The following MAP3K19 variants were observed in gnomAD, a reference collection of about 807,000 sequenced individuals.
The protein encoded by MAP3K19 is mitogen-activated protein kinase kinase kinase 19.
MAP3K19 carries 91 observed loss-of-function variants against 114.4 expected under a neutral mutation model. That is an observed-to-expected ratio of 0.80 (90% CI 0.67 to 0.95). The LOEUF (loss-of-function observed/expected upper bound fraction) is 0.95, where lower values mean the gene tolerates loss of function less well. Among genes scored for constraint, MAP3K19 ranks in the 40% least tolerant of loss-of-function variants. MAP3K19 has a pLI of 0.00. For missense variants in MAP3K19, 1,471 were observed against 1,573.2 expected (o/e 0.94, Z 1.10); for synonymous variants, 518 against 530.5 (o/e 0.98, Z 0.32).
chr2:134,964,873 A>T lies in MAP3K19; in HGVS notation c.3964T>A (p.Ser1322Thr). 1.2e-6 allele frequency: 2 copies of T among 1,613,278 alleles called. No homozygotes were observed. The highest frequency in any genetic ancestry group is 1.7e-6 in the Non-Finnish European group (2 of 1,179,454). Residue 1322 changes from serine (S) to threonine (T), a missense_variant, in exon 13 of 13, where the codon TCC becomes ACC. Physicochemically the swap from Ser to Thr is moderately conservative, Grantham distance 58. Coordinates refer to ENST00000392915, the MANE Select transcript of MAP3K19 (RefSeq NM_025052.5). ...RPSALQLLKH[S>T]FLERSH is the part of the protein sequence containing the mutation. ...ATTCAGTGACTTCTCTCCAAGAAGGAGTGCTTCAGGAGCTGGAGAGCAGAA... is the reference window on the plus strand; with the variant it reads ...ATTCAGTGACTTCTCTCCAAGAAGGTGTGCTTCAGGAGCTGGAGAGCAGAA...
At chr2:134,995,542 A>G (rs145342444) in intron 8 of MAP3K19, among the ~76,000 whole-genome samples, 243 of 152,322 alleles carry the variant, frequency 1.6e-3, no homozygotes, top group African/African-American at 5.3e-3. Flanking sequence ...AGATTGCCTG[A>G]TATCTAATCA....
chr2:135,019,475 A>AGGCT (rs1012273145), intron 5 of MAP3K19, among the ~76,000 whole-genome samples: 1 of 152,130 alleles, frequency 6.6e-6, no homozygotes, highest in African/African-American at 2.4e-5. Context: ...GGATTGCTTG[A>AGGCT]GGCTAGGAGT....
intron 12 of MAP3K19, among the ~76,000 whole-genome samples, chr2:134,978,264 G>A (rs1684387209): frequency 6.6e-6 from 1 of 151,030 alleles, no homozygotes; most frequent in Non-Finnish European, 1.5e-5. Context: ...TCAGCCCACT[G>A]CAGCATCAAC....
chr2:134,980,893 C>G lies in MAP3K19; in HGVS notation c.3848G>C (p.Arg1283Pro), dbSNP rs373039984. The G allele has an allele frequency of 3.0e-5, 49 of 1,614,220 alleles. No individual in the cohort carries two copies. In the South Asian group the frequency reaches 4.9e-4, roughly 16 times the overall value. ...GTCTGGTAAAGGAGGCATCAGCCCTCGGTGTGCTCCGATGTAAAACATGGC... is the reference window on the plus strand; with the variant it reads ...GTCTGGTAAAGGAGGCATCAGCCCTGGGTGTGCTCCGATGTAAAACATGGC... ...MAAMFYIGAHRGLMPPLPDHF... is the reference protein window; with the variant it reads ...MAAMFYIGAHPGLMPPLPDHF... Residue 1283 changes from arginine (R) to proline (P), a missense_variant, in exon 12 of 13, where the codon CGA (arginine) becomes CCA (proline). Arg to Pro is a moderately radical substitution (Grantham distance 103, BLOSUM62 -2). Coordinates refer to ENST00000392915, the MANE Select transcript of MAP3K19 (RefSeq NM_025052.5).
Position 134,998,876 on chromosome 2 carries a change from C to CT in MAP3K19, c.435dup (p.Glu146ArgfsTer46). 9 of 1,614,208 alleles carry CT rather than the reference C, an allele frequency of 5.6e-6. No individual in the cohort carries two copies. The highest frequency in any genetic ancestry group is 2.2e-5 in the East Asian group (1 of 44,890). On this transcript the variant is annotated frameshift_variant, in exon 8 of 13. Transcript: ENST00000392915. LOFTEE classifies it high-confidence loss of function. ...TTGCAGAGCTCCCTGGAACTTTCCTCTTTTTGCAAAACTAAGGGCCGCATG... is the reference window on the plus strand; with the variant it reads ...TTGCAGAGCTCCCTGGAACTTTCCTCTTTTTTGCAAAACTAAGGGCCGCATG...
intron 3 of MAP3K19, among the ~76,000 whole-genome samples, chr2:135,025,377 CTTTTTTTTTTTTTT>C (rs754598942): frequency 1.4e-5 from 1 of 69,534 alleles, no homozygotes; most frequent in African/African-American, 6.3e-5. Flanking sequence ...CTTTTCTTTT[CTTTTTTTTTTTTTT>C]TTTTTTTTTT....
chr2:135,015,616 C>T (rs183463896), intron 5 of MAP3K19, among the ~76,000 whole-genome samples: 13 of 152,106 alleles, frequency 8.5e-5, no homozygotes, highest in East Asian at 5.8e-4. Context: ...AATTGTTGGC[C>T]GGGCACAGTG....
At chr2:135,011,203 A>G (rs1007890953) in intron 5 of MAP3K19, among the ~76,000 whole-genome samples, 11 of 152,322 alleles carry the variant, frequency 7.2e-5, no homozygotes, top group South Asian at 6.2e-4. Flanking sequence ...TTTAAACTTT[A>G]TTTCGGCTAC....
At chr2:135,026,711 A>G (rs955555977) in intron 3 of MAP3K19, among the ~76,000 whole-genome samples, 6 of 152,218 alleles carry the variant, frequency 3.9e-5, no homozygotes, top group African/African-American at 1.4e-4. Context: ...TAATTTTAAG[A>G]TAACTTGAAA....
intron 12 of MAP3K19, among the ~76,000 whole-genome samples, chr2:134,973,326 G>A (rs1244708503): frequency 6.6e-6 from 1 of 152,192 alleles, no homozygotes; most frequent in African/African-American, 2.4e-5. Context: ...GGGTGCATCA[G>A]AACTGTTACA....
intron 8 of MAP3K19, 45 bp from the exon 9 acceptor site, chr2:134,991,625 G>A (rs779782931): frequency 6.6e-7 from 1 of 1,512,368 alleles, no homozygotes; most frequent in Non-Finnish European, 9.2e-7. Context: ...GTAGTAGAAA[G>A]AAAACAGTCT....
chr2:134,976,069 G>A (rs893530254), intron 12 of MAP3K19, among the ~76,000 whole-genome samples: 1 of 152,178 alleles, frequency 6.6e-6, no homozygotes, highest in Non-Finnish European at 1.5e-5. Flanking sequence ...TGGGGATCTG[G>A]CCACTCCACT....
chr2:135,002,817 G>A (rs1474699373), intron 6 of MAP3K19, among the ~76,000 whole-genome samples: 1 of 152,100 alleles, frequency 6.6e-6, no homozygotes, highest in Non-Finnish European at 1.5e-5. Context: ...CATGATTTGA[G>A]GGTCAGTAGC....
At chr2:134,985,768 C>A in intron 10 of MAP3K19, 32 bp downstream of exon 10, 1 of 1,541,484 alleles carries the variant, frequency 6.5e-7, no homozygotes, top group Non-Finnish European at 8.7e-7. Context: ...TCCTTCCCAC[C>A]CCAATGAATC....
chr2:135,006,041 C>T (rs926006407), intron 5 of MAP3K19, among the ~76,000 whole-genome samples: 1 of 152,138 alleles, frequency 6.6e-6, no homozygotes, highest in Non-Finnish European at 1.5e-5. Flanking sequence ...CCTATGACGG[C>T]GTTCTGATCT....
chr2:135,035,117 C>T (rs1338707377), intron 2 of MAP3K19, among the ~76,000 whole-genome samples: 2 of 151,562 alleles, frequency 1.3e-5, no homozygotes, highest in Admixed American at 1.3e-4. Context: ...GTTACAGAGG[C>T]CAAGCACGGT....
rs59337402 is a variant in MAP3K19 at position 134,979,443 on chromosome 2, C to CGTGT, written c.3920+1374_3920+1377dup. Among the ~76,000 whole-genome samples the CGTGT allele has an allele frequency of 4.7e-3, 696 of 146,882 alleles. 4 individuals are homozygous for CGTGT. The highest frequency in any genetic ancestry group is 0.015 in the African/African-American group (604 of 40,052). On this transcript the variant is annotated intron_variant, in intron 12 of 12. Coordinates refer to ENST00000392915, the MANE Select transcript of MAP3K19 (RefSeq NM_025052.5). ...TCCACCCTTTCTCTTTAAAGTGCTT[C>CGTGT]GTGTGTGTGTGTGTGTGTGTGTGTG...
chr2:135,006,930 C>G (rs1033274689), intron 5 of MAP3K19, among the ~76,000 whole-genome samples: 6 of 152,200 alleles, frequency 3.9e-5, no homozygotes, highest in African/African-American at 1.4e-4. Flanking sequence ...ATAATCCTAG[C>G]ACTTTGGGAG....
In MAP3K19 at chr2:135,047,332, T is replaced by A. The variant is rs563512009; in HGVS notation, c.-571A>T. On this transcript the variant is annotated 5_prime_UTR_variant, in exon 1 of 13. An upstream start codon of the reference 5' UTR is lost. Transcript: ENST00000392915. ...ACCAGGGATCCATTTAAAAACAGCA[T>A]AGATTCAGATTTTTTTTTCAGTGTT... 6.6e-6 allele frequency: 1 copy of A among 152,222 alleles called. No individual in the cohort carries two copies. The highest frequency in any genetic ancestry group is 1.5e-5 in the Non-Finnish European group (1 of 68,004). 9.4% of individuals were successfully genotyped at this position (152,222 alleles called of 1,614,324 possible).
Sources: allele counts gnomAD v4.1 joint callset (sites outside exome capture counted in the v4.1 genomes callset), GRCh38; gene constraint gnomAD v4.1.1; transcripts MANE v1.5; gene names NCBI Gene and HGNC (gene_info 2026-07-23, HGNC 2026-07-21).